TTC3: variants seen among roughly 807,000 people sequenced by gnomAD.
The protein encoded by TTC3 is tetratricopeptide repeat domain 3.
In TTC3, 180 loss-of-function variants were observed where a neutral mutation model predicts 249.6. The observed-to-expected ratio is 0.72, with a 90% CI of 0.64 to 0.82. TTC3 has a LOEUF of 0.82. Ranked by LOEUF, TTC3 falls within the 40% of genes least tolerant of loss-of-function variation. TTC3 has a pLI of 0.00. For synonymous variants in TTC3, 717 were observed against 805.0 expected (o/e 0.89, Z 1.85); for missense variants, 2,061 against 2,398.4 (o/e 0.86, Z 2.94).
intron 40 of TTC3, among the ~76,000 whole-genome samples, 178 bp from the exon 41 acceptor site, chr21:37,191,934 G>A (rs1400245087): frequency 2.0e-5 from 3 of 152,186 alleles, no homozygotes; most frequent in Admixed American, 1.3e-4. Context: ...CTTGACCTCT[G>A]CCTTGATTGG....
At chr21:37,150,165 T>A in exon 24 of TTC3, 1 of 1,611,336 alleles carries the variant, frequency 6.2e-7, no homozygotes, top group Non-Finnish European at 8.5e-7. Context: ...TGAAGTTAAA[T>A]GTGAAGTAAG....
chr21:37,100,758 T>A (rs2074406029), intron 10 of TTC3: 1 of 152,264 alleles, frequency 6.6e-6, no homozygotes, highest in Admixed American at 6.5e-5. Flanking sequence ...CATTGAGGAT[T>A]GTGTTTATCC....
intron 41 of TTC3, among the ~76,000 whole-genome samples, chr21:37,193,451 T>C (rs183841640): frequency 6.6e-6 from 1 of 152,320 alleles, no homozygotes; most frequent in Admixed American, 6.5e-5. Context: ...TTCTCTCCAT[T>C]GAATGTGCAG....
chr21:37,084,425 A>T (rs570421232), intron 1 of TTC3: 1 of 152,244 alleles, frequency 6.6e-6, no homozygotes, highest in East Asian at 1.9e-4. Flanking sequence ...AAAAATACTC[A>T]TCTAACATTA....
At chr21:37,124,514 A>G (rs1050157902) in intron 13 of TTC3, 105 bp from the exon 14 acceptor site, 24 of 1,253,936 alleles carry the variant, frequency 1.9e-5, no homozygotes, top group African/African-American at 3.1e-5. Flanking sequence ...TTTTAAAACA[A>G]TAATACCTTG....
At chr21:37,156,528 A>C in intron 27 of TTC3, 127 bp from the exon 28 acceptor site, 1 of 1,174,010 alleles carries the variant, frequency 8.5e-7, no homozygotes, top group Non-Finnish European at 1.2e-6. Context: ...GTTCTCAACT[A>C]TTTAAATGTT....
At chr21:37,100,905 T>A (rs1568914910) in intron 10 of TTC3, 2 of 152,278 alleles carry the variant, frequency 1.3e-5, no homozygotes, top group African/African-American at 4.8e-5. Flanking sequence ...CTTTTCAGTT[T>A]AGTCAAGAAT....
chr21:37,196,931 T>C (rs1334080910), intron 42 of TTC3, among the ~76,000 whole-genome samples: 2 of 152,182 alleles, frequency 1.3e-5, no homozygotes, highest in African/African-American at 4.8e-5. Flanking sequence ...GGCTCTTCAG[T>C]AGCGTTTCTG....
intron 1 of TTC3, chr21:37,084,383 A>G (rs967275640): frequency 3.9e-5 from 6 of 152,208 alleles, no homozygotes; most frequent in South Asian, 2.1e-4. Context: ...AAGGTAGACT[A>G]TTTAGCTGGA....
exon 26 of TTC3, chr21:37,151,948 AAAG>A (rs1198779194): frequency 2.5e-6 from 4 of 1,607,266 alleles, no homozygotes; most frequent in African/African-American, 2.7e-5. Flanking sequence ...GATCCAAAAA[AAAG>A]AAGCAAAAAA....
At chr21:37,139,670 G>T (rs1160485392) in intron 19 of TTC3, among the ~76,000 whole-genome samples, 1 of 152,086 alleles carries the variant, frequency 6.6e-6, no homozygotes, top group Non-Finnish European at 1.5e-5. Flanking sequence ...TATTTTCCAA[G>T]AGACAGTTGG....
At chr21:37,139,428 T>C (rs563107267) in intron 19 of TTC3, among the ~76,000 whole-genome samples, 31 of 152,276 alleles carry the variant, frequency 2.0e-4, no homozygotes, top group Admixed American at 1.8e-3. Context: ...TCTGAGGTTT[T>C]GAGTTTGCTA....
At chr21:37,180,756 A>G (rs1421273464) in intron 35 of TTC3, among the ~76,000 whole-genome samples, 1 of 103,910 alleles carries the variant, frequency 9.6e-6, no homozygotes, top group Non-Finnish European at 1.9e-5. Context: ...AACTTAAAGT[A>G]TAATAAAAAA....
intron 10 of TTC3, among the ~76,000 whole-genome samples, chr21:37,104,429 C>T (rs934517962): frequency 2.0e-5 from 3 of 151,768 alleles, no homozygotes; most frequent in Admixed American, 6.6e-5. Flanking sequence ...TTCTCTACTA[C>T]AACTACAAAA....
intron 1 of TTC3, 116 bp from the exon 2 acceptor site, chr21:37,087,128 GTTA>G: frequency 8.9e-7 from 1 of 1,124,488 alleles, no homozygotes; most frequent in South Asian, 1.5e-5. Flanking sequence ...TCTGATAGGA[GTTA>G]TTTCCTTGGG....
chr21:37,086,144 A>C (rs916264546), intron 1 of TTC3: 1 of 152,380 alleles, frequency 6.6e-6, no homozygotes, highest in Non-Finnish European at 1.5e-5. Context: ...TGAAGTTTTC[A>C]TACAGCAAAT....
At chr21:37,153,482 C>T (rs1388335352) in intron 27 of TTC3, among the ~76,000 whole-genome samples, 2 of 152,100 alleles carry the variant, frequency 1.3e-5, no homozygotes, top group Admixed American at 1.3e-4. Flanking sequence ...TGAGACCAAC[C>T]TGGCAATGTT....
At chr21:37,201,739 C>A in exon 46 of TTC3, 1 of 885,868 alleles carries the variant, frequency 1.1e-6, no homozygotes, top group Non-Finnish European at 1.7e-6. Flanking sequence ...AATTTCCCCA[C>A]TCTGAGTGAA....
intron 27 of TTC3, among the ~76,000 whole-genome samples, chr21:37,155,551 C>G (rs534798600): frequency 6.6e-6 from 1 of 152,212 alleles, no homozygotes; most frequent in Admixed American, 6.5e-5. Flanking sequence ...CTCTTTAATC[C>G]AGAAGCAAGC....
Sources: allele counts gnomAD v4.1 joint callset (sites outside exome capture counted in the v4.1 genomes callset), GRCh38; gene constraint gnomAD v4.1.1; transcripts MANE v1.5; gene names NCBI Gene and HGNC (gene_info 2026-07-23, HGNC 2026-07-21).